Variants in ERICH1 observed in about 807,000 individuals in gnomAD.
The protein encoded by ERICH1 is glutamate rich 1, also known as glutamate-rich protein 1.
Under a neutral mutation model 39.6 loss-of-function variants are expected in ERICH1, and 56 were observed. The observed-to-expected ratio is 1.41, with a 90% CI of 1.14 to 1.77. ERICH1 has a LOEUF of 1.77. Among genes scored for constraint, ERICH1 ranks in the 40% most tolerant of loss-of-function variants. The pLI is 0.00. For missense variants in ERICH1, 826 were observed against 575.4 expected (o/e 1.44, Z -4.45); for synonymous variants, 313 against 223.6 (o/e 1.40, Z -3.57).
chr8:693,251 A>AG (rs1248810516), intron 2 of ERICH1, among the ~76,000 whole-genome samples: 3 of 152,174 alleles, frequency 2.0e-5, no homozygotes, highest in Admixed American at 2.0e-4. Context: ...CAAATACACA[A>AG]GCACACACAG....
At chr8:668,222 G>A (rs1204914375) in intron 5 of ERICH1, 2 of 292,158 alleles carry the variant, frequency 6.8e-6, no homozygotes, top group Non-Finnish European at 6.5e-6. Context: ...CACCACGTCA[G>A]GGGTTCAATA....
In ERICH1 at chr8:705,043, C is replaced by T. The variant is rs531770314; in HGVS notation, c.169+10818G>A. 1.4e-3 allele frequency among the ~76,000 whole-genome samples: 206 copies of T among 152,350 alleles called. 6 individuals carry two copies. In the South Asian group the frequency reaches 0.042, roughly 31 times the overall value. On this transcript the variant is annotated intron_variant, in intron 2 of 5. Transcript: ENST00000262109. ...CCAGTTATTTTGGTTGTTGACAAAT[C>T]AGTCTTATCTTTGGGACAAATGGAA... is the stretch of plus-strand genomic sequence containing the variant.
chr8:721,754 A>G (rs958028697), intron 1 of ERICH1, among the ~76,000 whole-genome samples: 1 of 152,222 alleles, frequency 6.6e-6, no homozygotes, highest in Non-Finnish European at 1.5e-5. Context: ...AAAGCAGAAC[A>G]TAAACGAAAG....
chr8:615,809 T>A (rs1331817236), intron 3 of ERICH1: 1 of 152,412 alleles, frequency 6.6e-6, no homozygotes, highest in Non-Finnish European at 1.5e-5. Flanking sequence ...GACAGAAAAT[T>A]GCATTTCATT....
Position 675,105 on chromosome 8 carries a change from A to G in ERICH1, c.305-1058T>C. On this transcript the variant is annotated intron_variant, in intron 3 of 5. Coordinates refer to ENST00000262109, the MANE Select transcript of ERICH1 (RefSeq NM_207332.3). The stretch of plus-strand genomic sequence containing the variant: ...CCATGGCAGTCTCAACACCTCAGTG[A>G]GGACAGAGACGTGGCGGCCCCTCGG... Among the ~76,000 whole-genome samples the G allele has an allele frequency of 1.3e-5, 2 of 150,912 alleles. 1 individual carries two copies. The highest frequency in any genetic ancestry group is 4.9e-5 in the African/African-American group (2 of 40,820).
At chr8:721,489 G>A (rs1019842047) in intron 1 of ERICH1, among the ~76,000 whole-genome samples, 4 of 152,202 alleles carry the variant, frequency 2.6e-5, no homozygotes, top group Non-Finnish European at 4.4e-5. Context: ...CCGAGCGTGC[G>A]GCCCCCACAC....
intron 3 of ERICH1, among the ~76,000 whole-genome samples, chr8:619,401 G>C (rs1407747715): frequency 6.6e-6 from 1 of 151,924 alleles, no homozygotes; most frequent in African/African-American, 2.4e-5. Flanking sequence ...TTTTTAAAAT[G>C]CTTACATAAA....
chr8:668,189 T>C (rs191603445), intron 5 of ERICH1: 53 of 254,392 alleles, frequency 2.1e-4, no homozygotes, highest in Middle Eastern at 3.0e-3. Flanking sequence ...CCGGTGAAGG[T>C]GGCAGAAAAT....
intron 3 of ERICH1, among the ~76,000 whole-genome samples, chr8:619,152 C>G (rs1240065884): frequency 6.6e-6 from 1 of 152,010 alleles, no homozygotes; most frequent in Non-Finnish European, 1.5e-5. Flanking sequence ...CCCCCAGTGC[C>G]CAGTCTGGGG....
intron 2 of ERICH1, among the ~76,000 whole-genome samples, chr8:701,565 C>A (rs1812151733): frequency 6.6e-6 from 1 of 152,242 alleles, no homozygotes; most frequent in Non-Finnish European, 1.5e-5. Context: ...GCTGAGGAAA[C>A]TGCAGCGTCA....
chr8:657,226 C>T (rs1563196147), intron 3 of ERICH1, among the ~76,000 whole-genome samples: 3 of 152,174 alleles, frequency 2.0e-5, no homozygotes. Flanking sequence ...GGAGAATAAA[C>T]CTGAGAGGGG....
chr8:634,531 C>A (rs1012848404), intron 3 of ERICH1, among the ~76,000 whole-genome samples: 19 of 152,222 alleles, frequency 1.2e-4, no homozygotes, highest in African/African-American at 4.1e-4. Context: ...TCAGGGCGGC[C>A]CCGTCGGGCG....
chr8:625,677 A>G (rs1797564624), intron 3 of ERICH1: 1 of 152,246 alleles, frequency 6.6e-6, no homozygotes, highest in Non-Finnish European at 1.5e-5. Flanking sequence ...GAACTCACAC[A>G]TCTTCTTTAG....
chr8:682,470 T>G (rs1281868049), intron 3 of ERICH1, among the ~76,000 whole-genome samples: 1 of 152,218 alleles, frequency 6.6e-6, no homozygotes, highest in Non-Finnish European at 1.5e-5. Context: ...CCACTCATGC[T>G]GCACCCTCCA....
intron 5 of ERICH1, 95 bp downstream of exon 5, chr8:668,503 A>G: frequency 7.5e-7 from 1 of 1,326,586 alleles, no homozygotes; most frequent in Non-Finnish European, 1.1e-6. Flanking sequence ...ATATTTTCCA[A>G]CTCATTGCTG....
chr8:729,372 CG>C (rs1819503732), intron 1 of ERICH1, among the ~76,000 whole-genome samples: 1 of 152,188 alleles, frequency 6.6e-6, no homozygotes, highest in Non-Finnish European at 1.5e-5. Context: ...CAAGGGGACA[CG>C]CCAAGCTCCA....
chr8:621,703 C>T (rs1340577213), intron 3 of ERICH1, among the ~76,000 whole-genome samples: 4 of 151,712 alleles, frequency 2.6e-5, no homozygotes, highest in Admixed American at 2.6e-4. Flanking sequence ...TTTAGAAAGA[C>T]TACGAAAGAA....
At chr8:669,031 T>G in intron 4 of ERICH1, 1 of 508,692 alleles carries the variant, frequency 2.0e-6, no homozygotes, top group East Asian at 3.4e-5. Context: ...ACGCCTCCCC[T>G]GGCCCATCTA....
intron 3 of ERICH1, among the ~76,000 whole-genome samples, chr8:636,390 G>A (rs1355750919): frequency 6.6e-6 from 1 of 152,226 alleles, no homozygotes; most frequent in Non-Finnish European, 1.5e-5. Flanking sequence ...TCTGGTCACG[G>A]GATGCCTTTT....
Sources: allele counts gnomAD v4.1 joint callset (sites outside exome capture counted in the v4.1 genomes callset), GRCh38; gene constraint gnomAD v4.1.1; transcripts MANE v1.5; gene names NCBI Gene and HGNC (gene_info 2026-07-23, HGNC 2026-07-21).